The following KLF8 variants were observed in gnomAD, a reference collection of about 807,000 sequenced individuals.
KLF8 encodes the protein Krueppel-like factor 8.
Under a neutral mutation model 18.2 loss-of-function variants are expected in KLF8, and 10 were observed. That is an observed-to-expected ratio of 0.55 (90% CI 0.34 to 0.93). KLF8 has a LOEUF of 0.93. KLF8 is among the 40% of genes least tolerant of loss of function. The pLI is 0.02. For missense variants in KLF8, 264 were observed against 277.9 expected (o/e 0.95, Z 0.36); for synonymous variants, 109 against 97.3 (o/e 1.12, Z -0.71).
the KLF8 span, among the ~76,000 whole-genome samples, chrX:56,185,698 G>T: frequency 8.9e-6 from 1 of 112,158 alleles, no homozygotes; most frequent in Non-Finnish European, 1.9e-5. Flanking sequence ...CTACAAGCCA[G>T]AAGAGAGTGG....
At chrX:56,258,155 TTACTCATA>T (rs772750530) in intron 2 of KLF8, among the ~76,000 whole-genome samples, 5 of 112,791 alleles carry the variant, frequency 4.4e-5, no homozygotes, top group South Asian at 7.3e-4. Context: ...TTGCTAGAGC[TTACTCATA>T]GTTAATACCA....
At chrX:56,081,599 T>C in the KLF8 span, among the ~76,000 whole-genome samples, 29 of 112,203 alleles carry the variant, frequency 2.6e-4, no homozygotes, top group Non-Finnish European at 4.9e-4. Flanking sequence ...TTGTGTATGA[T>C]TTAGCTATGA....
chrX:56,159,808 A>G, the KLF8 span, among the ~76,000 whole-genome samples: 1 of 111,185 alleles, frequency 9.0e-6, no homozygotes, highest in Non-Finnish European at 1.9e-5. Flanking sequence ...GTAGTGGTCT[A>G]TCAATTTCGT....
the KLF8 span, among the ~76,000 whole-genome samples, chrX:56,066,145 T>TA: frequency 8.9e-6 from 1 of 111,890 alleles, no homozygotes; most frequent in Non-Finnish European, 1.9e-5. Context: ...TGGTTTCCTC[T>TA]AGTGTTGGTG....
At chrX:56,057,761 A>G in the KLF8 span, among the ~76,000 whole-genome samples, 1 of 110,930 alleles carries the variant, frequency 9.0e-6, no homozygotes, top group Non-Finnish European at 1.9e-5. Context: ...AACGTCTCCT[A>G]TGGGAGCAAG....
chrX:56,120,576 C>A, the KLF8 span, among the ~76,000 whole-genome samples: 1 of 111,434 alleles, frequency 9.0e-6, no homozygotes, highest in Non-Finnish European at 1.9e-5. Context: ...TACCAGCTCT[C>A]CAGAAATTCC....
chrX:55,997,823 A>G, the KLF8 span, among the ~76,000 whole-genome samples: 23,974 of 111,060 alleles, frequency 0.22, 5,431 homozygotes, highest in African/African-American at 0.69. Flanking sequence ...AAGGTGGAAC[A>G]AGAGACTTGG....
At chrX:56,114,104 G>T in the KLF8 span, among the ~76,000 whole-genome samples, 2 of 112,151 alleles carry the variant, frequency 1.8e-5, no homozygotes, top group African/African-American at 6.5e-5. Flanking sequence ...GGTTAGGAGG[G>T]ATGGATCCGG....
At chrX:56,203,365 C>T in the KLF8 span, among the ~76,000 whole-genome samples, 48 of 112,216 alleles carry the variant, frequency 4.3e-4, no homozygotes, top group Non-Finnish European at 1.9e-4. Flanking sequence ...TTTTCTCCCA[C>T]TCTGTGGGTC....
the KLF8 span, among the ~76,000 whole-genome samples, chrX:56,012,561 C>G: frequency 1.8e-5 from 2 of 111,713 alleles, no homozygotes; most frequent in Admixed American, 1.9e-4. Flanking sequence ...TCTCTCAACA[C>G]TTTTATTCAA....
the KLF8 span, among the ~76,000 whole-genome samples, chrX:56,045,222 T>C: frequency 8.9e-6 from 1 of 111,982 alleles, no homozygotes; most frequent in Non-Finnish European, 1.9e-5. Flanking sequence ...TTTGGCTTTA[T>C]TTCTGTGTAC....
rs1440676266 is a variant in KLF8 at position 56,233,307 on chromosome X, G to T, written c.-28G>T. ...CTCCCGGAGGACGGCATGAGTTCTG[G>T]ACACTTCAGGAGTCCTCAGCTAGTG... On this transcript the variant is annotated 5_prime_UTR_variant, in exon 1 of 6. Transcript: ENST00000468660. 1.7e-6 allele frequency: 2 copies of T among 1,206,209 alleles called. No homozygotes were observed. The highest frequency in any genetic ancestry group is 2.2e-5 in the Admixed American group (1 of 45,975).
the KLF8 span, among the ~76,000 whole-genome samples, chrX:55,987,090 A>T: frequency 9.1e-6 from 1 of 110,324 alleles, no homozygotes; most frequent in Admixed American, 9.6e-5. Context: ...ATGTGTATGT[A>T]TGTATTTTTA....
At chrX:56,189,091 A>G in the KLF8 span, among the ~76,000 whole-genome samples, 8 of 111,708 alleles carry the variant, frequency 7.2e-5, no homozygotes, top group Non-Finnish European at 1.1e-4. Flanking sequence ...GCAGCATACA[A>G]AATGGGAGAA....
the KLF8 span, among the ~76,000 whole-genome samples, chrX:55,929,508 G>A: frequency 8.0e-5 from 9 of 112,048 alleles, no homozygotes; most frequent in Admixed American, 4.7e-4. Flanking sequence ...TACATCTTAC[G>A]TTTAAGTCTT....
chrX:56,105,174 G>A, the KLF8 span, among the ~76,000 whole-genome samples: 5 of 111,752 alleles, frequency 4.5e-5, no homozygotes, highest in East Asian at 1.1e-3. Context: ...GTGGTGCTGA[G>A]AAGAATGTAT....
chrX:56,184,218 A>G, the KLF8 span, among the ~76,000 whole-genome samples: 2 of 112,307 alleles, frequency 1.8e-5, no homozygotes, highest in Non-Finnish European at 3.8e-5. Flanking sequence ...CCAGGAGATT[A>G]TATCCTGCAC....
At chrX:56,008,137 T>TATATATAC in the KLF8 span, among the ~76,000 whole-genome samples, 57 of 106,461 alleles carry the variant, frequency 5.4e-4, 2 homozygotes, top group African/African-American at 1.9e-3. Flanking sequence ...TATATATATA[T>TATATATAC]ACACACACAA....
the KLF8 span, among the ~76,000 whole-genome samples, chrX:56,069,106 T>G: frequency 9.0e-6 from 1 of 111,292 alleles, no homozygotes; most frequent in Non-Finnish European, 1.9e-5. Flanking sequence ...ACCACTCAGA[T>G]GGCAGGAGAG....
Sources: gnomAD v4.1 joint callset for allele counts (sites outside exome capture counted in the v4.1 genomes callset) on GRCh38, gnomAD v4.1.1 for gene constraint, MANE v1.5 for transcripts, NCBI Gene and HGNC (gene_info 2026-07-23, HGNC 2026-07-21) for gene names.